ADGRD2: variants seen among roughly 807,000 people sequenced by gnomAD.
ADGRD2 encodes the protein adhesion G protein-coupled receptor D2.
A neutral mutation model predicts 44.4 loss-of-function variants in ADGRD2; 71 were observed. That is an observed-to-expected ratio of 1.60 (90% CI 1.32 to 1.95). The LOEUF (loss-of-function observed/expected upper bound fraction) is 1.95, where lower values mean the gene tolerates loss of function less well. ADGRD2 is among the 30% of genes most tolerant of loss of function. The pLI is 0.00. For missense variants in ADGRD2, 1,039 were observed against 512.4 expected, an observed-to-expected ratio of 2.03 and a Z score of -9.92; for synonymous variants, 481 against 224.8, an observed-to-expected ratio of 2.14 and a Z score of -10.19.
chr9:124,476,709 G>C, exon 21 of ADGRD2: 1 of 702,060 alleles, frequency 1.4e-6, no homozygotes, highest in Admixed American at 2.0e-5. Context: ...CAAAGCTTCA[G>C]GTACAGTCCC....
chr9:124,452,193 C>T (rs1300527395), intron 1 of ADGRD2, 39 bp downstream of exon 4: 1 of 685,402 alleles, frequency 1.5e-6, no homozygotes, highest in Non-Finnish European at 2.7e-6. Flanking sequence ...GTCCCAGTCC[C>T]CCAGCTAAGC....
rs550313380 is a variant in ADGRD2, at chr9:124,454,505, A to G, written c.1046A>G (p.Asp349Gly). 1 of 716,062 alleles carries G rather than the reference A, an allele frequency of 1.4e-6. No individual in the cohort carries two copies. The highest frequency in any genetic ancestry group is 1.5e-5 in the South Asian group (1 of 67,562). 44.4% of individuals were successfully genotyped at this position (716,062 alleles called of 1,614,324 possible). Residue 349 changes from aspartate to glycine, a missense_variant, in exon 5 of 22, where the codon GAT becomes GGT. Transcript: ENST00000334810. The surrounding 1 kb of genome is among the most constrained non-coding windows in gnomAD (Gnocchi z 4.5). ...GCAGAGCCCTATCGTCGGCTGCAGG[A>G]TGCCCAGTCGTGGCCTGGCCAGGAT...
chr9:124,453,091 C>A, exon 3 of ADGRD2: 1 of 693,892 alleles, frequency 1.4e-6, no homozygotes, highest in Non-Finnish European at 2.6e-6. Flanking sequence ...CCGGGCGGCG[C>A]GGCTGCGGAG....
At chr9:124,477,130 G>T in intron 21 of ADGRD2, 1 of 468,214 alleles carries the variant, frequency 2.1e-6, no homozygotes. Context: ...TTCCAAACCC[G>T]CTGAGGGAGA....
At chr9:124,458,763 G>A (rs891999894) in intron 10 of ADGRD2, 42 bp downstream of exon 13, 5 of 711,676 alleles carry the variant, frequency 7.0e-6, no homozygotes, top group East Asian at 5.4e-5. Flanking sequence ...CCTGGCGCAC[G>A]TGTCCTGGTT....
chr9:124,474,106 T>C, intron 17 of ADGRD2, among the ~76,000 whole-genome samples: 1 of 151,966 alleles, frequency 6.6e-6, no homozygotes, highest in Non-Finnish European at 1.5e-5. Flanking sequence ...TGAAACCCTG[T>C]CTCTACTAAA....
upstream of ADGRD2, chr9:124,451,273 A>T: frequency 2.1e-6 from 1 of 467,110 alleles, no homozygotes. Context: ...CACAAAGCCC[A>T]CCTGGACCTG....
In ADGRD2 at chr9:124,453,088, G is replaced by A. The variant is rs1224977572; in HGVS notation, c.337G>A (p.Ala113Thr). The A allele has an allele frequency of 8.7e-6, 6 of 690,046 alleles. No individual in the cohort carries two copies. In the South Asian group the frequency reaches 9.1e-5, roughly 11 times the overall value. The allele number at this position is 690,046 out of a possible 1,614,324, so 42.7% of individuals were successfully genotyped here. A position where few individuals can be genotyped will look rare whatever the true frequency, so the allele number is the denominator to read the frequency against. ...CGACGAGAGGACGGCTGACCGGGCGGCGCGGCTGCGGAGCCCTCTGCCTGA... is the reference window on the plus strand; with the variant it reads ...CGACGAGAGGACGGCTGACCGGGCGACGCGGCTGCGGAGCCCTCTGCCTGA... The change falls in exon 3 of 22, where the codon GCG becomes ACG. Residue 113 changes from alanine (A) to threonine (T), a missense_variant. Coordinates refer to ENST00000334810, the Ensembl canonical transcript of ADGRD2.
Position 124,452,832 on chromosome 9 carries a change from C to T in ADGRD2, c.281+110C>T, listed in dbSNP as rs116012400. 5.1e-4 allele frequency: 322 copies of T among 626,566 alleles called. 1 individual carries two copies. The highest frequency in any genetic ancestry group is 4.7e-3 in the African/African-American group (260 of 55,080). 38.8% of individuals were successfully genotyped at this position (626,566 alleles called of 1,614,324 possible). ...GCAGAATGAGCCGGGAGTAAGACCC[C>T]ATTGCATCTCCAGGTTCCTTTGCCC... is the stretch of plus-strand genomic sequence containing the variant. On this transcript the variant is annotated intron_variant, in intron 2 of 21. Transcript: ENST00000334810.
rs2131228269 is a variant in ADGRD2 at position 124,454,401 on chromosome 9, G to A, written c.1023-83G>A. 1 of 667,600 alleles carries A rather than the reference G, an allele frequency of 1.5e-6. No individual in the cohort carries two copies. The highest frequency in any genetic ancestry group is 2.8e-6 in the Non-Finnish European group (1 of 355,400). 41.4% of individuals were successfully genotyped at this position (667,600 alleles called of 1,614,324 possible). A position where few individuals can be genotyped will look rare whatever the true frequency, so the allele number is the denominator to read the frequency against. ...GCTCTTCCTTCCCTGGGCAGCACGT[G>A]GTGGGTGGAGGTCACTGAACAGGCT... is the stretch of plus-strand genomic sequence containing the variant. On this transcript the variant is annotated intron_variant, in intron 4 of 21. Transcript: ENST00000334810. This position sits in a 1 kb window ranked among gnomAD's most constrained non-coding sequence, Gnocchi z 4.5.
Position 124,469,330 on chromosome 9 carries a change from TG to T in ADGRD2, c.2500del (p.Pro835LeufsTer6), listed in dbSNP as rs1831897416. On this transcript the variant is annotated frameshift_variant, in exon 15 of 22. Transcript: ENST00000334810. LOFTEE classifies it high-confidence loss of function. ...CACACAAATGCCATCTGGGCCTTCGTGGGGCCTGTGCTCTTCGTGCTGACTG... is the reference window on the plus strand; with the variant it reads ...CACACAAATGCCATCTGGGCCTTCGTGGGCCTGTGCTCTTCGTGCTGACTG... 4.2e-6 allele frequency: 3 copies of T among 718,178 alleles called. No individual in the cohort carries two copies. Among genetic ancestry groups the T allele is most frequent in the South Asian group, 3.0e-5 (2 of 67,608 alleles). 44.5% of individuals were successfully genotyped at this position (718,178 alleles called of 1,614,324 possible).
chr9:124,463,919 C>T (rs1191494913), intron 10 of ADGRD2, among the ~76,000 whole-genome samples: 4 of 152,122 alleles, frequency 2.6e-5, no homozygotes, highest in African/African-American at 9.7e-5. Context: ...CTCACTGCGG[C>T]CTCGACCTCC....
exon 3 of ADGRD2, chr9:124,453,245 G>T (rs1251292461): frequency 7.2e-6 from 4 of 557,722 alleles, no homozygotes; most frequent in Middle Eastern, 4.5e-4. Context: ...GAGCCGGGGG[G>T]CGTCGTGCGC....
chr9:124,475,412 T>C (rs778913419), intron 17 of ADGRD2, 34 bp from the exon 21 acceptor site: 5 of 706,298 alleles, frequency 7.1e-6, no homozygotes, highest in Non-Finnish European at 1.3e-5. Flanking sequence ...GGTAGGAGGC[T>C]CCGGGCTGAG....
intron 17 of ADGRD2, 25 bp from the exon 21 acceptor site, chr9:124,475,421 A>G: frequency 1.4e-6 from 1 of 708,190 alleles, no homozygotes; most frequent in Non-Finnish European, 2.6e-6. Flanking sequence ...CTCCGGGCTG[A>G]GGCACTCGCT....
At chr9:124,453,654 G>A in exon 3 of ADGRD2, 1 of 700,974 alleles carries the variant, frequency 1.4e-6, no homozygotes, top group Non-Finnish European at 2.6e-6. Flanking sequence ...TGCCCACTGT[G>A]TGGGTGCGCC....
At position 124,468,204 on chromosome 9, in the gene ADGRD2, G is replaced by T; in HGVS notation, c.2233+14G>T. 1.4e-6 allele frequency: 1 copy of T among 718,326 alleles called. No homozygotes were observed. Among genetic ancestry groups the T allele is most frequent in the Non-Finnish European group, 2.6e-6 (1 of 385,090 alleles). 44.5% of individuals were successfully genotyped at this position (718,326 alleles called of 1,614,324 possible). A position where few individuals can be genotyped will look rare whatever the true frequency, so the allele number is the denominator to read the frequency against. ...AAGGCCAATGAGGTGGGCAGCCAGTGGGTGGGCTGGAAGCCCGGGGAAGCC... is the reference window on the plus strand; with the variant it reads ...AAGGCCAATGAGGTGGGCAGCCAGTTGGTGGGCTGGAAGCCCGGGGAAGCC... On this transcript the variant is annotated intron_variant, in intron 13 of 21. Coordinates refer to ENST00000334810, the Ensembl canonical transcript of ADGRD2.
At position 124,468,142 on chromosome 9, in the gene ADGRD2, C is replaced by T. The variant is rs1273181330; in HGVS notation, c.2187C>T (p.Ala729=). Reference sequence around the variant, plus strand: ...ACAAGAACCTCACCTTCTCCCTGGCCTCTGCCGAGGGCTTCCTCATGACCA... The same window carrying T: ...ACAAGAACCTCACCTTCTCCCTGGCTTCTGCCGAGGGCTTCCTCATGACCA... The change falls in exon 13 of 22, where the codon GCC becomes GCT. Residue 729 remains alanine (A), a synonymous_variant. Transcript: ENST00000334810. 13 of 718,600 alleles carry T rather than the reference C, an allele frequency of 1.8e-5. No homozygotes were observed. In the East Asian group the frequency reaches 3.5e-4, roughly 19 times the overall value. The allele number at this position is 718,600 out of a possible 1,614,324, so 44.5% of individuals were successfully genotyped here. A position where few individuals can be genotyped will look rare whatever the true frequency, so the allele number is the denominator to read the frequency against.
chr9:124,467,698 G>T (rs1377791186), intron 11 of ADGRD2, 23 bp from the exon 15 acceptor site: 2 of 718,048 alleles, frequency 2.8e-6, no homozygotes, highest in Non-Finnish European at 5.2e-6. Flanking sequence ...GTGCCAGGGG[G>T]GTTTCTCTGT....
Sources: gnomAD v4.1 joint callset for allele counts (sites outside exome capture counted in the v4.1 genomes callset) on GRCh38, gnomAD v4.1.1 for gene constraint, Gnocchi (gnomAD v3.1) non-coding constraint, MANE v1.5 for transcripts, NCBI Gene and HGNC (gene_info 2026-07-23, HGNC 2026-07-21) for gene names.